Variants in FAM234A observed in about 807,000 individuals in gnomAD.
FAM234A encodes protein FAM234A.
In FAM234A, 42 loss-of-function variants were observed where a neutral mutation model predicts 49.1. The ratio of observed to expected loss-of-function variants is 0.86; its 90% CI spans 0.67 to 1.11. The LOEUF is 1.11. FAM234A is among the 50% of genes least tolerant of loss of function. FAM234A has a pLI of 0.00. For missense variants in FAM234A, 815 were observed against 745.2 expected (o/e 1.09, Z -1.09); for synonymous variants, 369 against 316.2 (o/e 1.17, Z -1.77).
chr16:268,842 C>T (rs894842198), downstream of FAM234A: 21 of 1,550,290 alleles, frequency 1.4e-5, no homozygotes, highest in Non-Finnish European at 1.6e-5. Context: ...CCTGCATGTC[C>T]GCGTCTTGTG....
chr16:262,170 T>A lies in FAM234A; in HGVS notation c.786T>A (p.Ser262Arg), dbSNP rs2051492736. Residue 262 changes from serine to arginine, a missense_variant, in exon 7 of 13, where the codon AGT (serine) becomes AGA (arginine). Coordinates refer to ENST00000399932, the MANE Select transcript of FAM234A (RefSeq NM_032039.4). Reference sequence around the variant, plus strand: ...GCAGCCTTGGTGTGGACGGGGAAAGTGGCTTCCTCCTTCACGTCACCAGGA... The same window carrying A: ...GCAGCCTTGGTGTGGACGGGGAAAGAGGCTTCCTCCTTCACGTCACCAGGA... Reference protein sequence around the residue: ...LRGSLGVDGESGFLLHVTRTG... With the variant: ...LRGSLGVDGERGFLLHVTRTG... The A allele has an allele frequency of 1.9e-6, 3 of 1,614,004 alleles. No homozygotes were observed. In the African/African-American group the frequency reaches 4.0e-5, roughly 22 times the overall value.
chr16:245,202 C>T (rs1252738771), intron 1 of FAM234A, among the ~76,000 whole-genome samples: 1 of 151,964 alleles, frequency 6.6e-6, no homozygotes, highest in Non-Finnish European at 1.5e-5. Flanking sequence ...CAAAAATTTG[C>T]CCGGCGCGGT....
chr16:269,164 G>T, downstream of FAM234A: 2 of 971,954 alleles, frequency 2.1e-6, no homozygotes, highest in Non-Finnish European at 3.2e-6. Flanking sequence ...GGACACTGGT[G>T]CTGGGTTCAG....
chr16:238,567 C>CT (rs1436443058), intron 1 of FAM234A, among the ~76,000 whole-genome samples: 14 of 151,768 alleles, frequency 9.2e-5, no homozygotes, highest in Admixed American at 2.0e-4. Context: ...GAGATCGAGA[C>CT]CATCCTGGCT....
rs1246639807 is a variant in FAM234A, at chr16:254,422, C to A, written c.9C>A (p.Asp3Glu). The A allele has an allele frequency of 6.2e-7, 1 of 1,613,898 alleles. No individual in the cohort carries two copies. Among genetic ancestry groups the A allele is most frequent in the South Asian group, 1.1e-5 (1 of 91,068 alleles). ...TTTGGGATGTGCCCGTGATGTTGGA[C>A]CACAAGGACTTAGAGGCCGAAATCC... ML[D>E]HKDLEAEIHP... is the part of the protein sequence containing the mutation. The change falls in exon 3 of 13, where the codon GAC becomes GAA. Residue 3 changes from aspartate to glutamate, a missense_variant. Transcript: ENST00000399932.
rs1030214234 is a variant in FAM234A at position 263,148 on chromosome 16, C to T, written c.972-114C>T. 583 of 1,270,340 alleles carry T rather than the reference C, an allele frequency of 4.6e-4. 4 individuals carry two copies. The highest frequency in any genetic ancestry group is 1.3e-4 in the Admixed American group (6 of 47,224). 78.7% of individuals were successfully genotyped at this position (1,270,340 alleles called of 1,614,324 possible). A position where few individuals can be genotyped will look rare whatever the true frequency, so the allele number is the denominator to read the frequency against. The stretch of plus-strand genomic sequence containing the variant: ...CTTTTCAAGCTGTAGAACTGAGAAA[C>T]GGGTTATGGGGGCCTAAGAGGAGCA... On this transcript the variant is annotated intron_variant, in intron 8 of 12. Coordinates refer to ENST00000399932, the MANE Select transcript of FAM234A (RefSeq NM_032039.4).
At chr16:259,674 T>G in intron 4 of FAM234A, 75 bp downstream of exon 4, 1 of 943,960 alleles carries the variant, frequency 1.1e-6, no homozygotes, top group Non-Finnish European at 1.7e-6. Context: ...ACCCTCTCGC[T>G]TTCAGTGTTT....
chr16:261,952 C>T (rs937552064), intron 6 of FAM234A, 141 bp from the exon 7 acceptor site: 24 of 1,194,618 alleles, frequency 2.0e-5, no homozygotes, highest in African/African-American at 1.5e-4. Context: ...TAGAGTGCCC[C>T]GCCCCCAGGC....
At chr16:239,514 C>T (rs1429873831) in intron 1 of FAM234A, among the ~76,000 whole-genome samples, 1 of 139,276 alleles carries the variant, frequency 7.2e-6, no homozygotes, top group Admixed American at 7.2e-5. Context: ...ACTCGGGAGG[C>T]TGAGGCAGGA....
At chr16:269,084 G>T, downstream of FAM234A, 1 of 953,234 alleles carries the variant, frequency 1.0e-6, no homozygotes, top group Non-Finnish European at 1.7e-6. Flanking sequence ...ATTCCTTCTG[G>T]GCAGGGAGGG....
chr16:254,850 G>A lies in FAM234A; in HGVS notation c.268+169G>A, dbSNP rs11863248. ...AGGTTTTCCCGGAGTTTTAGGGAGC[G>A]ATAGACCAGCCTTTTTATTTTTGAG... On this transcript the variant is annotated intron_variant, in intron 3 of 12. Transcript: ENST00000399932. Among the ~76,000 whole-genome samples the A allele has an allele frequency of 8.9e-3, 1,362 of 152,262 alleles. 17 individuals carry two copies. The highest frequency in any genetic ancestry group is 0.032 in the African/African-American group (1,314 of 41,558).
At chr16:241,860 T>G (rs1240919658) in intron 1 of FAM234A, among the ~76,000 whole-genome samples, 1 of 146,126 alleles carries the variant, frequency 6.8e-6, no homozygotes. Flanking sequence ...GAGCCAAGAT[T>G]GCACCACTGC....
intron 10 of FAM234A, 99 bp from the exon 11 acceptor site, chr16:263,917 C>G: frequency 6.9e-7 from 1 of 1,455,510 alleles, no homozygotes; most frequent in South Asian, 1.2e-5. Flanking sequence ...GCATCTGCCT[C>G]CAGGGCTGGC....
At position 245,964 on chromosome 16, in the gene FAM234A, T is replaced by A. The variant is rs182729852; in HGVS notation, c.-139-3585T>A. On this transcript the variant is annotated intron_variant, in intron 1 of 12. Transcript: ENST00000399932. ...GCTCACGCCTGTAATCCCAGCACTT[T>A]GAGAGGCTTAGGTGGGCAGATCACG... Among the ~76,000 whole-genome samples the A allele has an allele frequency of 2.9e-3, 446 of 152,222 alleles. 1 individual carries two copies. The highest frequency in any genetic ancestry group is 0.01 in the African/African-American group (416 of 41,536).
In FAM234A at chr16:264,900, A is replaced by G; in HGVS notation, c.1537A>G (p.Lys513Glu). The change falls in exon 13 of 13, where the codon AAG becomes GAG. Residue 513 changes from lysine to glutamate, a missense_variant. Coordinates refer to ENST00000399932, the MANE Select transcript of FAM234A (RefSeq NM_032039.4). ...SEAPGLVSVIKHKVRDLVPSS... is the reference protein window; with the variant it reads ...SEAPGLVSVIEHKVRDLVPSS... Reference sequence around the variant, plus strand: ...GGCACCCGGCCTGGTCTCTGTGATCAAGCACAAGGTGCGGGACCTTGTCCC... The same window carrying G: ...GGCACCCGGCCTGGTCTCTGTGATCGAGCACAAGGTGCGGGACCTTGTCCC... The G allele has an allele frequency of 6.2e-7, 1 of 1,613,070 alleles. No homozygotes were observed. The highest frequency in any genetic ancestry group is 8.5e-7 in the Non-Finnish European group (1 of 1,179,984).
At chr16:242,672 G>A (rs938362594) in intron 1 of FAM234A, among the ~76,000 whole-genome samples, 1 of 150,872 alleles carries the variant, frequency 6.6e-6, no homozygotes, top group Middle Eastern at 3.4e-3. Flanking sequence ...GAGTGCAATG[G>A]CGCTATCTCA....
downstream of FAM234A, chr16:268,386 A>G (rs953554039): frequency 1.1e-4 from 34 of 304,954 alleles, no homozygotes; most frequent in African/African-American, 7.1e-4. Flanking sequence ...AGCCAGCCCT[A>G]TGGGTGGGGA....
At chr16:247,992 G>A (rs1346982633) in intron 1 of FAM234A, among the ~76,000 whole-genome samples, 2 of 152,092 alleles carry the variant, frequency 1.3e-5, no homozygotes, top group African/African-American at 2.4e-5. Flanking sequence ...GCTGGGTTCA[G>A]GTGGGTGCTC....
intron 9 of FAM234A, 23 bp downstream of exon 9, chr16:263,425 G>C: frequency 1.2e-6 from 2 of 1,603,750 alleles, no homozygotes; most frequent in Non-Finnish European, 1.7e-6. Context: ...CCCAAGGACC[G>C]CGCAGGTGCT....
Sources: gnomAD v4.1 joint callset for allele counts (sites outside exome capture counted in the v4.1 genomes callset) on GRCh38, gnomAD v4.1.1 for gene constraint, MANE v1.5 for transcripts, NCBI Gene and HGNC (gene_info 2026-07-23, HGNC 2026-07-21) for gene names.